MSRA: variants seen among roughly 807,000 people sequenced by gnomAD.
The protein encoded by MSRA is methionine sulfoxide reductase A.
In MSRA, 54 loss-of-function variants were observed where a neutral mutation model predicts 31.3. That is an observed-to-expected ratio of 1.73 (90% confidence interval 1.39 to 2.17). The LOEUF is 2.17. MSRA is among the 30% of genes most tolerant of loss of function. MSRA has a pLI of 0.00. For synonymous variants in MSRA, 169 were observed against 116.5 expected, an observed-to-expected ratio of 1.45 and a Z score of -2.90; for missense variants, 507 against 300.9, an observed-to-expected ratio of 1.69 and a Z score of -5.07.
rs573507813 is a variant in MSRA, at chr8:10,259,716, G to A, written c.331+14493G>A. ...ACTAGGGTTTCCTGGGGAAACAAGG[G>A]AAAGCAGTCCAGGCGTGTGGGGGAG... On this transcript the variant is annotated intron_variant, in intron 3 of 5. Coordinates refer to ENST00000317173, the MANE Select transcript of MSRA (RefSeq NM_012331.5). Among the ~76,000 whole-genome samples the A allele has an allele frequency of 3.3e-5, 5 of 152,364 alleles. No individual in the cohort carries two copies. The East Asian group carries it at 7.7e-4, about 24-fold the overall frequency.
intron 1 of MSRA, among the ~76,000 whole-genome samples, chr8:10,163,661 A>C (rs1282498473): frequency 6.6e-6 from 1 of 152,276 alleles, no homozygotes; most frequent in Non-Finnish European, 1.5e-5. Context: ...ACAGAATTCT[A>C]CTGCACGATA....
chr8:10,143,161 C>T (rs1187113644), intron 1 of MSRA, among the ~76,000 whole-genome samples: 1 of 152,132 alleles, frequency 6.6e-6, no homozygotes, highest in African/African-American at 2.4e-5. Flanking sequence ...GGTTTGTCCT[C>T]TTCTTTCACG....
chr8:10,177,376 A>G (rs1195767418), intron 1 of MSRA, among the ~76,000 whole-genome samples: 1 of 152,232 alleles, frequency 6.6e-6, no homozygotes, highest in Non-Finnish European at 1.5e-5. Flanking sequence ...GATTATTTGA[A>G]TCAAGATGCT....
chr8:10,342,711 A>G (rs1245423806), intron 5 of MSRA, among the ~76,000 whole-genome samples: 1 of 152,170 alleles, frequency 6.6e-6, no homozygotes, highest in African/African-American at 2.4e-5. Flanking sequence ...TGAGCCCCAA[A>G]GAGGTAAAGC....
intron 3 of MSRA, among the ~76,000 whole-genome samples, chr8:10,287,524 C>CA (rs1189257986): frequency 1.3e-5 from 2 of 152,190 alleles, no homozygotes; most frequent in African/African-American, 2.4e-5. Context: ...CGGAATAACA[C>CA]AGAACAAGCT....
intron 2 of MSRA, among the ~76,000 whole-genome samples, chr8:10,244,887 A>G (rs1339036987): frequency 6.6e-6 from 1 of 152,200 alleles, no homozygotes; most frequent in Admixed American, 6.5e-5. Flanking sequence ...TGCACAGCTA[A>G]AGCAAAGAGA....
chr8:10,199,789 C>T (rs1808338774), intron 1 of MSRA, among the ~76,000 whole-genome samples: 1 of 152,172 alleles, frequency 6.6e-6, no homozygotes, highest in Non-Finnish European at 1.5e-5. Flanking sequence ...GGCTAAAAAT[C>T]CTCTCTTAGG....
intron 3 of MSRA, among the ~76,000 whole-genome samples, chr8:10,292,142 G>A (rs1182170353): frequency 4.7e-4 from 72 of 152,192 alleles, no homozygotes; most frequent in East Asian, 1.9e-4. Flanking sequence ...TGAGGTTTCC[G>A]TAGAATTCAG....
chr8:10,199,649 A>G (rs1238226200), intron 1 of MSRA, among the ~76,000 whole-genome samples: 1 of 152,114 alleles, frequency 6.6e-6, no homozygotes, highest in Non-Finnish European at 1.5e-5. Flanking sequence ...TAGTCACACT[A>G]GTGGGCTTGT....
At chr8:10,326,188 C>G (rs191182254) in intron 5 of MSRA, among the ~76,000 whole-genome samples, 27 of 152,300 alleles carry the variant, frequency 1.8e-4, no homozygotes, top group East Asian at 1.9e-4. Context: ...CAGTGACCCC[C>G]TAGTACCCAG....
chr8:10,325,680 C>G (rs976529188), intron 5 of MSRA, among the ~76,000 whole-genome samples: 1 of 152,100 alleles, frequency 6.6e-6, no homozygotes, highest in Non-Finnish European at 1.5e-5. Flanking sequence ...GCTTTGATAC[C>G]GTAAAGAGGT....
intron 1 of MSRA, among the ~76,000 whole-genome samples, chr8:10,064,973 C>T (rs1282935835): frequency 1.3e-5 from 2 of 152,092 alleles, no homozygotes; most frequent in Non-Finnish European, 2.9e-5. Context: ...TTGAAAACCG[C>T]GTAAGAGTTT....
At chr8:10,350,778 C>T (rs1489090976) in intron 5 of MSRA, among the ~76,000 whole-genome samples, 2 of 152,184 alleles carry the variant, frequency 1.3e-5, no homozygotes, top group South Asian at 2.1e-4. Context: ...CCGACTTACC[C>T]CCGAGGCCTC....
chr8:10,125,232 G>A (rs1801413922), intron 1 of MSRA, among the ~76,000 whole-genome samples: 1 of 152,214 alleles, frequency 6.6e-6, no homozygotes, highest in South Asian at 2.1e-4. Flanking sequence ...TCTTTCCAAA[G>A]ACATGTACTC....
chr8:10,277,403 C>A (rs1258728594), intron 3 of MSRA, among the ~76,000 whole-genome samples: 2 of 152,150 alleles, frequency 1.3e-5, no homozygotes, highest in African/African-American at 2.4e-5. Flanking sequence ...AGGTCACTCA[C>A]CCTGTTTATG....
intron 1 of MSRA, among the ~76,000 whole-genome samples, chr8:10,079,688 T>C (rs1024140538): frequency 6.6e-5 from 10 of 152,174 alleles, no homozygotes; most frequent in Admixed American, 2.0e-4. Context: ...GGTGCTTGGG[T>C]GCTAAGCATT....
At position 10,151,211 on chromosome 8, in the gene MSRA, A is replaced by G. The variant is rs908372311; in HGVS notation, c.143-56622A>G. ...CCTTCCTGGGGAGGCGCAGTGAGCC[A>G]AGACTGCACCACTGCATTCCAGCCT... is the stretch of plus-strand genomic sequence containing the variant. On this transcript the variant is annotated intron_variant, in intron 1 of 5. Transcript: ENST00000317173. 2.7e-5 allele frequency among the ~76,000 whole-genome samples: 4 copies of G among 150,810 alleles called. No homozygotes were observed. The East Asian group carries it at 7.8e-4, about 29-fold the overall frequency.
intron 5 of MSRA, among the ~76,000 whole-genome samples, chr8:10,427,252 C>G (rs539599738): frequency 6.6e-6 from 1 of 152,306 alleles, no homozygotes; most frequent in African/African-American, 2.4e-5. Flanking sequence ...ATGCTTCAAG[C>G]AGCCTGCAAC....
chr8:10,098,406 T>A (rs1257321716), intron 1 of MSRA, among the ~76,000 whole-genome samples: 6 of 152,210 alleles, frequency 3.9e-5, no homozygotes, highest in Non-Finnish European at 7.3e-5. Flanking sequence ...TAATGCGAAC[T>A]TCTCAGGAAG....
Sources: allele counts gnomAD v4.1 joint callset (sites outside exome capture counted in the v4.1 genomes callset), GRCh38; gene constraint gnomAD v4.1.1; transcripts MANE v1.5; gene names NCBI Gene and HGNC (gene_info 2026-07-23, HGNC 2026-07-21).